DAB1: variants seen among roughly 807,000 people sequenced by gnomAD.
DAB1 encodes DAB adaptor protein 1, also known as disabled homolog 1.
DAB1 carries 15 observed loss-of-function variants against 64.6 expected under a neutral mutation model. That is an observed-to-expected ratio of 0.23 (90% CI 0.16 to 0.36). The LOEUF is 0.36. Ranked by LOEUF, DAB1 falls within the 10% of genes least tolerant of loss-of-function variation. The pLI is 1.00. For missense variants in DAB1, 596 were observed against 706.7 expected (o/e 0.84, Z 1.78); for synonymous variants, 235 against 251.9 (o/e 0.93, Z 0.64).
At chr1:58,412,717 T>G (rs2100573233) in intron 3 of DAB1, among the ~76,000 whole-genome samples, 1 of 152,268 alleles carries the variant, frequency 6.6e-6, no homozygotes, top group South Asian at 2.1e-4. Context: ...GCCCAATAAA[T>G]GTCTATAGAA....
At chr1:58,243,784 A>G (rs1342676466) in intron 4 of DAB1, among the ~76,000 whole-genome samples, 1 of 152,158 alleles carries the variant, frequency 6.6e-6, no homozygotes, top group Non-Finnish European at 1.5e-5. Flanking sequence ...GGCAGATATT[A>G]TTTCATTTCT....
chr1:57,710,485 G>C (rs1475513886), intron 6 of DAB1, among the ~76,000 whole-genome samples: 2 of 152,150 alleles, frequency 1.3e-5, no homozygotes, highest in African/African-American at 4.8e-5. Flanking sequence ...CTTTTATACA[G>C]TCAGGCCTTA....
intron 4 of DAB1, among the ~76,000 whole-genome samples, chr1:58,298,630 C>T (rs1356595786): frequency 6.6e-6 from 1 of 152,206 alleles, no homozygotes; most frequent in East Asian, 1.9e-4. Context: ...TGTCACTGCA[C>T]ACATGCTGGA....
chr1:58,211,778 G>C (rs1436011448), intron 4 of DAB1, among the ~76,000 whole-genome samples: 1 of 152,074 alleles, frequency 6.6e-6, no homozygotes, highest in Non-Finnish European at 1.5e-5. Context: ...TCACTTTCCT[G>C]TGGTCTCATT....
intron 6 of DAB1, among the ~76,000 whole-genome samples, chr1:57,707,921 C>G (rs185821307): frequency 1.3e-5 from 2 of 152,154 alleles, no homozygotes; most frequent in South Asian, 4.2e-4. Flanking sequence ...GAAGAATTCC[C>G]TGGGTTACCA....
intron 1 of DAB1, among the ~76,000 whole-genome samples, chr1:57,324,721 TTCTC>T (rs1676015158): frequency 6.6e-6 from 1 of 152,068 alleles, no homozygotes; most frequent in Non-Finnish European, 1.5e-5. Flanking sequence ...TCCGCTTTCT[TTCTC>T]AGCCTCTCAG....
intron 7 of DAB1, among the ~76,000 whole-genome samples, chr1:57,434,746 C>T (rs10889045): frequency 0.41 from 62,780 of 151,920 alleles, 14,230 homozygotes; most frequent in African/African-American, 0.61. Context: ...CCTGTATGCA[C>T]GTTACTGTAT....
chr1:58,377,569 C>T (rs1170075028), intron 3 of DAB1, among the ~76,000 whole-genome samples: 3 of 137,682 alleles, frequency 2.2e-5, no homozygotes, highest in East Asian at 2.0e-4. Flanking sequence ...TGATGGGCTT[C>T]CCTTTGAGGG....
At chr1:57,154,233 C>T (rs1416081660) in intron 2 of DAB1, among the ~76,000 whole-genome samples, 4 of 152,160 alleles carry the variant, frequency 2.6e-5, no homozygotes, top group Non-Finnish European at 5.9e-5. Context: ...TACTCTCCAG[C>T]TCTATGAATT....
At chr1:57,148,833 T>TAAC (rs1237308331) in intron 2 of DAB1, among the ~76,000 whole-genome samples, 1 of 152,238 alleles carries the variant, frequency 6.6e-6, no homozygotes, top group African/African-American at 2.4e-5. Context: ...AATGTTTAAA[T>TAAC]AACAGCTATA....
intron 5 of DAB1, among the ~76,000 whole-genome samples, chr1:58,074,237 T>C (rs1649452564): frequency 6.6e-6 from 1 of 152,074 alleles, no homozygotes; most frequent in Non-Finnish European, 1.5e-5. Context: ...GAGATGTTAC[T>C]AGAATTGTAC....
chr1:57,350,247 G>A (rs1351632235), intron 1 of DAB1, among the ~76,000 whole-genome samples: 1 of 152,124 alleles, frequency 6.6e-6, no homozygotes, highest in Non-Finnish European at 1.5e-5. Flanking sequence ...TTTTAAAAAT[G>A]AGGACACTGA....
chr1:58,064,543 G>A (rs796782112), intron 5 of DAB1, among the ~76,000 whole-genome samples: 1 of 152,118 alleles, frequency 6.6e-6, no homozygotes, highest in Non-Finnish European at 1.5e-5. Context: ...AGGATTGCTC[G>A]TCAACCCACC....
chr1:58,320,687 T>C (rs773217428), intron 4 of DAB1, among the ~76,000 whole-genome samples: 1 of 152,226 alleles, frequency 6.6e-6, no homozygotes, highest in Non-Finnish European at 1.5e-5. Flanking sequence ...ATTCAAGGCC[T>C]GGTCATGTTG....
chr1:57,562,984 C>T lies in DAB1; in HGVS notation n.625+86608G>A, dbSNP rs1248777302. The stretch of plus-strand genomic sequence containing the variant: ...ATATATAAATAGGAGGCCATTAGGG[C>T]GTCTCTTAGTATTACCATGCCCTGT... On this transcript the variant is annotated intron_variant and non_coding_transcript_variant, in intron 7 of 20. Coordinates refer to the DAB1 transcript ENST00000485760. Among the ~76,000 whole-genome samples, 6 of 152,110 alleles carry T rather than the reference C, an allele frequency of 3.9e-5. 1 individual carries two copies. Among genetic ancestry groups the T allele is most frequent in the South Asian group, 2.1e-4 (1 of 4,820 alleles).
At chr1:57,785,969 T>C (rs1167379004) in intron 6 of DAB1, among the ~76,000 whole-genome samples, 1 of 152,142 alleles carries the variant, frequency 6.6e-6, no homozygotes, top group Non-Finnish European at 1.5e-5. Flanking sequence ...TTCATTGTTG[T>C]CTTATTTGAA....
intron 1 of DAB1, among the ~76,000 whole-genome samples, chr1:57,835,332 C>T (rs879353473): frequency 6.6e-6 from 1 of 152,096 alleles, no homozygotes; most frequent in Non-Finnish European, 1.5e-5. Flanking sequence ...ACTTTCATAG[C>T]CACTCTTTAT....
chr1:57,556,632 G>GT lies in DAB1; in HGVS notation n.625+92959dup, dbSNP rs565851047. 1.1e-3 allele frequency among the ~76,000 whole-genome samples: 168 copies of GT among 152,034 alleles called. 1 individual carries two copies. The highest frequency in any genetic ancestry group is 1.9e-3 in the Non-Finnish European group (128 of 67,928). On this transcript the variant is annotated intron_variant and non_coding_transcript_variant, in intron 7 of 20. Transcript: ENST00000485760. ...GCCCACTTTTTAATGAGATTGTTTG[G>GT]TTTTTTCTTGCTGATTTGTTTGAGT... is the stretch of plus-strand genomic sequence containing the variant.
At chr1:57,144,415 G>T (rs951065906) in intron 3 of DAB1, among the ~76,000 whole-genome samples, 14 of 151,780 alleles carry the variant, frequency 9.2e-5, no homozygotes, top group Non-Finnish European at 1.5e-4. Context: ...CTAATTTCTG[G>T]CCGGGCACAG....
Sources: allele counts gnomAD v4.1 joint callset (sites outside exome capture counted in the v4.1 genomes callset), GRCh38; gene constraint gnomAD v4.1.1; transcripts MANE v1.5; gene names NCBI Gene and HGNC (gene_info 2026-07-23, HGNC 2026-07-21).